ERC2: variants seen among roughly 807,000 people sequenced by gnomAD.
ERC2 encodes ERC protein 2.
Under a neutral mutation model 114.8 loss-of-function variants are expected in ERC2, and 42 were observed. The ratio of observed to expected loss-of-function variants is 0.37; its 90% CI spans 0.29 to 0.47. The LOEUF is 0.47. ERC2 is among the 20% of genes least tolerant of loss of function. The pLI, the probability that ERC2 is intolerant of heterozygous loss-of-function variation, is 0.99. For missense variants in ERC2, 939 were observed against 1,150.7 expected (o/e 0.82, Z 2.66); for synonymous variants, 454 against 425.5 (o/e 1.07, Z -0.82).
At chr3:56,362,261 G>T (rs182723483) in intron 2 of ERC2, among the ~76,000 whole-genome samples, 9 of 152,298 alleles carry the variant, frequency 5.9e-5, no homozygotes, top group Admixed American at 2.0e-4. Context: ...GAGCTTCAAG[G>T]TTCCTCAGAG....
chr3:56,082,637 G>C (rs530151888), intron 6 of ERC2, among the ~76,000 whole-genome samples: 1 of 152,176 alleles, frequency 6.6e-6, no homozygotes, highest in East Asian at 1.9e-4. Flanking sequence ...GATGTATGAA[G>C]TAACTCTTTG....
intron 3 of ERC2, among the ~76,000 whole-genome samples, chr3:56,228,532 T>C (rs768318882): frequency 1.3e-5 from 2 of 152,222 alleles, no homozygotes; most frequent in Non-Finnish European, 2.9e-5. Context: ...CTGTTGGAAC[T>C]TCCTTCCATT....
At chr3:56,443,380 T>C (rs548901726) in intron 1 of ERC2, among the ~76,000 whole-genome samples, 1 of 152,344 alleles carries the variant, frequency 6.6e-6, no homozygotes, top group East Asian at 1.9e-4. Context: ...TCACCACTAT[T>C]TGGGAATTAG....
intron 2 of ERC2, among the ~76,000 whole-genome samples, chr3:56,429,670 T>C (rs2061710782): frequency 6.6e-6 from 1 of 152,242 alleles, no homozygotes; most frequent in Non-Finnish European, 1.5e-5. Context: ...TGTATTTATA[T>C]TCATGTAGAG....
intron 17 of ERC2, among the ~76,000 whole-genome samples, chr3:55,561,272 C>A (rs1467177556): frequency 6.6e-6 from 1 of 151,986 alleles, no homozygotes; most frequent in Non-Finnish European, 1.5e-5. Flanking sequence ...AATTTCTTTA[C>A]TTCCCTGGTT....
chr3:56,425,366 C>T (rs576227285), intron 2 of ERC2, among the ~76,000 whole-genome samples: 16 of 152,168 alleles, frequency 1.1e-4, no homozygotes, highest in Non-Finnish European at 1.5e-4. Context: ...CAACCAAGAC[C>T]GCCCACCACA....
At chr3:56,400,459 T>C (rs1470170878) in intron 2 of ERC2, among the ~76,000 whole-genome samples, 1 of 152,176 alleles carries the variant, frequency 6.6e-6, no homozygotes, top group Non-Finnish European at 1.5e-5. Flanking sequence ...AATATAGTAA[T>C]ACTATATCAG....
intron 17 of ERC2, among the ~76,000 whole-genome samples, chr3:55,633,496 G>T (rs978595601): frequency 3.3e-5 from 5 of 152,076 alleles, no homozygotes; most frequent in African/African-American, 1.2e-4. Context: ...TGGCATATCT[G>T]TCTCCCTCTA....
At chr3:56,140,145 G>A (rs2080766742) in intron 5 of ERC2, among the ~76,000 whole-genome samples, 2 of 152,048 alleles carry the variant, frequency 1.3e-5, no homozygotes, top group South Asian at 4.1e-4. Context: ...TCATCTTTTT[G>A]CTTACATTAA....
At chr3:55,802,235 T>G (rs993705090) in intron 14 of ERC2, among the ~76,000 whole-genome samples, 10 of 152,238 alleles carry the variant, frequency 6.6e-5, no homozygotes, top group African/African-American at 2.4e-4. Context: ...CTGTATCACA[T>G]TTAATTATTC....
At chr3:56,188,937 T>C (rs2083809582) in intron 3 of ERC2, among the ~76,000 whole-genome samples, 1 of 152,206 alleles carries the variant, frequency 6.6e-6, no homozygotes, top group South Asian at 2.1e-4. Context: ...AACATCTTAC[T>C]GGCCATTCAT....
At chr3:55,926,213 T>C (rs1317186277) in intron 13 of ERC2, among the ~76,000 whole-genome samples, 1 of 152,034 alleles carries the variant, frequency 6.6e-6, no homozygotes, top group Non-Finnish European at 1.5e-5. Context: ...CTACCAGTCA[T>C]GGGTAACTAA....
At chr3:55,537,619 T>C (rs1210380384) in intron 17 of ERC2, among the ~76,000 whole-genome samples, 1 of 152,200 alleles carries the variant, frequency 6.6e-6, no homozygotes, top group African/African-American at 2.4e-5. Context: ...CTGCATACTC[T>C]GGGTCAACCT....
chr3:56,263,552 A>T (rs777518083), intron 3 of ERC2, among the ~76,000 whole-genome samples: 3 of 152,160 alleles, frequency 2.0e-5, no homozygotes, highest in Non-Finnish European at 4.4e-5. Context: ...ATGCCAACAA[A>T]TTGGATAACT....
intron 14 of ERC2, among the ~76,000 whole-genome samples, chr3:55,822,255 G>C (rs987430952): frequency 1.3e-5 from 2 of 152,100 alleles, no homozygotes; most frequent in African/African-American, 4.8e-5. Context: ...TTTTGACTTT[G>C]GCATGGTGAT....
intron 17 of ERC2, among the ~76,000 whole-genome samples, chr3:55,561,027 C>T (rs2055979923): frequency 1.3e-5 from 2 of 152,066 alleles, no homozygotes; most frequent in Non-Finnish European, 2.9e-5. Context: ...CTTGGGAAAC[C>T]TGAAAGACTG....
intron 14 of ERC2, among the ~76,000 whole-genome samples, chr3:55,830,749 G>C (rs1174693144): frequency 6.6e-6 from 1 of 152,110 alleles, no homozygotes; most frequent in Non-Finnish European, 1.5e-5. Flanking sequence ...TCTGAGATCA[G>C]CTTGGGCAAC....
intron 17 of ERC2, among the ~76,000 whole-genome samples, chr3:55,521,319 T>C (rs575081657): frequency 2.6e-5 from 4 of 152,330 alleles, no homozygotes; most frequent in Admixed American, 2.0e-4. Context: ...ATCCAGCCTT[T>C]TGAGCAATTT....
intron 4 of ERC2, among the ~76,000 whole-genome samples, chr3:56,165,674 T>C (rs898550419): frequency 7.9e-5 from 12 of 152,052 alleles, no homozygotes; most frequent in Non-Finnish European, 1.5e-4. Context: ...CTTGCTCTTA[T>C]ATATTTGGGG....
Sources: allele counts gnomAD v4.1 joint callset (sites outside exome capture counted in the v4.1 genomes callset), GRCh38; gene constraint gnomAD v4.1.1; transcripts MANE v1.5; gene names NCBI Gene and HGNC (gene_info 2026-07-23, HGNC 2026-07-21).